The following CCDC175 variants were observed in gnomAD, a reference collection of about 807,000 sequenced individuals.
CCDC175 encodes coiled-coil domain-containing protein 175.
In CCDC175, 100 loss-of-function variants were observed where a neutral mutation model predicts 114.6. The observed-to-expected ratio is 0.87, with a 90% CI of 0.74 to 1.03. The LOEUF (loss-of-function observed/expected upper bound fraction) is 1.03. Among genes scored for constraint, CCDC175 ranks in the 50% least tolerant of loss-of-function variants. CCDC175 has a pLI of 0.00. For missense variants in CCDC175, 880 were observed against 917.8 expected (o/e 0.96, Z 0.53); for synonymous variants, 306 against 308.7 (o/e 0.99, Z 0.09).
At chr14:59,560,217 A>G (rs1896147321) in intron 7 of CCDC175, among the ~76,000 whole-genome samples, 1 of 152,136 alleles carries the variant, frequency 6.6e-6, no homozygotes, top group Non-Finnish European at 1.5e-5. Context: ...TGAAAGACCT[A>G]TTATAATTTT....
chr14:59,554,348 C>T (rs541336646), intron 7 of CCDC175, among the ~76,000 whole-genome samples: 1 of 152,302 alleles, frequency 6.6e-6, no homozygotes, highest in South Asian at 2.1e-4. Context: ...AACTGAACAA[C>T]CTGTTCCTGA....
intron 17 of CCDC175, among the ~76,000 whole-genome samples, chr14:59,514,201 C>A (rs1011371248): frequency 1.3e-5 from 2 of 152,152 alleles, no homozygotes; most frequent in Admixed American, 6.5e-5. Context: ...GTAGATAAAA[C>A]CACAAAGATG....
chr14:59,519,524 A>C (rs1411711341), intron 17 of CCDC175, among the ~76,000 whole-genome samples: 4 of 152,238 alleles, frequency 2.6e-5, no homozygotes, highest in Non-Finnish European at 5.9e-5. Flanking sequence ...ACCATGAAGA[A>C]AATGAAAAGT....
At chr14:59,569,711 C>A (rs912339763) in intron 3 of CCDC175, among the ~76,000 whole-genome samples, 2 of 152,072 alleles carry the variant, frequency 1.3e-5, no homozygotes, top group Admixed American at 1.3e-4. Flanking sequence ...AGACTAACAC[C>A]AAGCATATTT....
intron 13 of CCDC175, 52 bp downstream of exon 13, chr14:59,537,971 T>G (rs373261211): frequency 7.8e-7 from 1 of 1,274,578 alleles, no homozygotes; most frequent in East Asian, 2.6e-5. Flanking sequence ...TTATTCCCCC[T>G]CCCCCTCATG....
In CCDC175 at chr14:59,545,127, T is replaced by C. The variant is rs138642129; in HGVS notation, c.1172+36A>G. ...TAGCAAGAAAAGCACCCCATAATGATGGCATGTTGAATCACACGTGTGGGT... is the reference window on the plus strand; with the variant it reads ...TAGCAAGAAAAGCACCCCATAATGACGGCATGTTGAATCACACGTGTGGGT... On this transcript the variant is annotated intron_variant, in intron 9 of 19. Coordinates refer to ENST00000537690, the MANE Select transcript of CCDC175 (RefSeq NM_001164399.2). The C allele has an allele frequency of 3.2e-4, 487 of 1,523,722 alleles. 3 individuals carry two copies. The East Asian group carries it at 0.011, about 35-fold the overall frequency. 94.4% of individuals were successfully genotyped at this position (1,523,722 alleles called of 1,614,324 possible). A position where few individuals can be genotyped will look rare whatever the true frequency, so the allele number is the denominator to read the frequency against.
chr14:59,515,393 C>T (rs1303414100), intron 17 of CCDC175, among the ~76,000 whole-genome samples: 5 of 152,146 alleles, frequency 3.3e-5, no homozygotes, highest in Admixed American at 6.5e-5. Flanking sequence ...AGAGTTAAGA[C>T]CCATCAGTGT....
intron 13 of CCDC175, among the ~76,000 whole-genome samples, chr14:59,532,355 T>C (rs1374114284): frequency 6.6e-6 from 1 of 152,176 alleles, no homozygotes; most frequent in Non-Finnish European, 1.5e-5. Context: ...GAGTAAAAAG[T>C]GCCCAAAGCA....
At chr14:59,508,023 G>A (rs1448176076) in intron 19 of CCDC175, among the ~76,000 whole-genome samples, 4 of 152,130 alleles carry the variant, frequency 2.6e-5, no homozygotes, top group Non-Finnish European at 5.9e-5. Flanking sequence ...GTTCCTTGAA[G>A]TTACCTATTG....
In CCDC175 at chr14:59,551,186, T is replaced by A. The variant is rs561877550; in HGVS notation, c.1035+169A>T. 6 of 447,616 alleles carry A rather than the reference T, an allele frequency of 1.3e-5. No homozygotes were observed. The East Asian group carries it at 1.5e-4, about 11-fold the overall frequency. 27.7% of individuals were successfully genotyped at this position (447,616 alleles called of 1,614,324 possible). A position where few individuals can be genotyped will look rare whatever the true frequency, so the allele number is the denominator to read the frequency against. On this transcript the variant is annotated intron_variant, in intron 8 of 19. Transcript: ENST00000537690. ...GGACAACCTTTGCTCTTTGATATAA[T>A]TAAAGTACTTTGGGAGGAGATAAAA... is the stretch of plus-strand genomic sequence containing the variant.
chr14:59,510,264 G>A (rs577632184), intron 19 of CCDC175, among the ~76,000 whole-genome samples: 1 of 152,256 alleles, frequency 6.6e-6, no homozygotes, highest in Admixed American at 6.5e-5. Flanking sequence ...TTTCTGAGAA[G>A]GTAACAGTTG....
chr14:59,518,366 T>C (rs1025326237), intron 17 of CCDC175, among the ~76,000 whole-genome samples: 24 of 152,132 alleles, frequency 1.6e-4, no homozygotes, highest in Non-Finnish European at 2.1e-4. Flanking sequence ...AAAGAAACTA[T>C]CATCAGAGTG....
intron 19 of CCDC175, among the ~76,000 whole-genome samples, chr14:59,508,421 C>CACACACACACACACACACACACACAG (rs1892559820): frequency 6.7e-6 from 1 of 149,798 alleles, no homozygotes; most frequent in Non-Finnish European, 1.5e-5. Flanking sequence ...CACACACACA[C>CACACACACACACACACACACACACAG]ACACACACAC....
At chr14:59,538,894 A>G in intron 11 of CCDC175, 54 bp from the exon 12 acceptor site, 3 of 1,465,018 alleles carry the variant, frequency 2.0e-6, no homozygotes, top group Non-Finnish European at 2.7e-6. Flanking sequence ...AGTTTACTAA[A>G]AAGATGAAGA....
intron 7 of CCDC175, among the ~76,000 whole-genome samples, chr14:59,559,783 C>A (rs1418175174): frequency 6.6e-6 from 1 of 152,038 alleles, no homozygotes; most frequent in Admixed American, 6.6e-5. Context: ...TATCCTCAAC[C>A]ACCACATTAA....
chr14:59,507,070 T>G (rs1892463275), intron 19 of CCDC175, among the ~76,000 whole-genome samples: 1 of 152,352 alleles, frequency 6.6e-6, no homozygotes, highest in South Asian at 2.1e-4. Flanking sequence ...TTACCTTTGA[T>G]TTACAAGAAA....
At position 59,538,040 on chromosome 14, in the gene CCDC175, C is replaced by T. The variant is rs1309372798; in HGVS notation, c.1606G>A (p.Glu536Lys). ...AAATTTACCTCATACTTGCTTAACT[C>T]TTTCATTAACATTTTTTCTTTGTTA... ...FVNKEKMLMK[E>K]LSKYEEIFVK... The change falls in exon 13 of 20, where the codon GAG becomes AAG. Residue 536 changes from glutamate (E) to lysine (K), a missense_variant. Physicochemically the swap from Glu to Lys is moderately conservative, Grantham distance 56 (BLOSUM62 1). Transcript: ENST00000537690. The T allele has an allele frequency of 4.6e-6, 7 of 1,528,978 alleles. No individual in the cohort carries two copies. Among genetic ancestry groups the T allele is most frequent in the Non-Finnish European group, 6.1e-6 (7 of 1,140,606 alleles). 94.7% of individuals were successfully genotyped at this position (1,528,978 alleles called of 1,614,324 possible).
chr14:59,505,235 T>G lies in CCDC175; in HGVS notation c.*4A>C. The G allele has an allele frequency of 1.4e-6, 2 of 1,449,340 alleles. No homozygotes were observed. Among genetic ancestry groups the G allele is most frequent in the Non-Finnish European group, 1.9e-6 (2 of 1,079,838 alleles). 89.8% of individuals were successfully genotyped at this position (1,449,340 alleles called of 1,614,324 possible). On this transcript the variant is annotated 3_prime_UTR_variant, in exon 20 of 20. Coordinates refer to ENST00000537690, the MANE Select transcript of CCDC175 (RefSeq NM_001164399.2). ...TTTGAATTCACAGCAGTTGTATCCT[T>G]GAGTTACTTTGTTAATGTATTTTTC...
intron 4 of CCDC175, among the ~76,000 whole-genome samples, chr14:59,567,659 C>T (rs1194821690): frequency 2.6e-5 from 4 of 152,132 alleles, no homozygotes; most frequent in African/African-American, 7.2e-5. Context: ...GAAAATGAGG[C>T]TCACTAAGAG....
Sources: gnomAD v4.1 joint callset for allele counts (sites outside exome capture counted in the v4.1 genomes callset) on GRCh38, gnomAD v4.1.1 for gene constraint, MANE v1.5 for transcripts, NCBI Gene and HGNC (gene_info 2026-07-23, HGNC 2026-07-21) for gene names.